The following SLC7A8 variants were observed in gnomAD, a reference collection of about 807,000 sequenced individuals.
The protein encoded by SLC7A8 is large neutral amino acids transporter small subunit 2.
A neutral mutation model predicts 51.2 loss-of-function variants in SLC7A8; 30 were observed. That is an observed-to-expected ratio of 0.59 (90% CI 0.44 to 0.80). The LOEUF is 0.80. Ranked by LOEUF, SLC7A8 falls within the 30% of genes least tolerant of loss-of-function variation. The pLI is 0.00. For synonymous variants in SLC7A8, 257 were observed against 275.8 expected (o/e 0.93, Z 0.67); for missense variants, 612 against 674.4 (o/e 0.91, Z 1.03).
At chr14:23,168,989 TAA>T (rs1366661313) in intron 1 of SLC7A8, among the ~76,000 whole-genome samples, 2 of 152,140 alleles carry the variant, frequency 1.3e-5, no homozygotes, top group African/African-American at 4.8e-5. Flanking sequence ...GGCATTGGAA[TAA>T]GAGTCCTCAC....
intron 4 of SLC7A8, among the ~76,000 whole-genome samples, chr14:23,141,046 G>C (rs938644564): frequency 5.3e-5 from 8 of 152,220 alleles, no homozygotes; most frequent in Non-Finnish European, 1.2e-4. Flanking sequence ...AATCTGGGAG[G>C]TCAAGGCAGA....
chr14:23,137,834 G>T, intron 7 of SLC7A8, 87 bp downstream of exon 7: 1 of 1,528,844 alleles, frequency 6.5e-7, no homozygotes, highest in Non-Finnish European at 8.9e-7. Flanking sequence ...ACAGACCCCT[G>T]CTGACAGAGA....
intron 6 of SLC7A8, among the ~76,000 whole-genome samples, chr14:23,138,493 G>C (rs1443949006): frequency 6.6e-6 from 1 of 151,338 alleles, no homozygotes. Flanking sequence ...GCTAGGAGCT[G>C]TGAGACCTTG....
intron 3 of SLC7A8, among the ~76,000 whole-genome samples, chr14:23,154,998 C>CAAAAAAAAA (rs33973055): frequency 9.1e-4 from 81 of 89,276 alleles, no homozygotes; most frequent in Non-Finnish European, 1.3e-3. Context: ...ACACAACAGA[C>CAAAAAAAAA]AAAAAAAAAA....
intron 3 of SLC7A8, among the ~76,000 whole-genome samples, chr14:23,161,195 T>G (rs2048920010): frequency 6.6e-6 from 1 of 151,954 alleles, no homozygotes; most frequent in African/African-American, 2.4e-5. Flanking sequence ...CCCCACCACC[T>G]GGCTCCTCCC....
intron 1 of SLC7A8, among the ~76,000 whole-genome samples, chr14:23,170,851 A>G (rs1413624958): frequency 6.6e-6 from 1 of 151,780 alleles, no homozygotes; most frequent in Admixed American, 6.6e-5. Flanking sequence ...TCAGCCTCCC[A>G]AGTAGCTAGG....
In SLC7A8 at chr14:23,143,064, T is replaced by C. The variant is rs761853926; in HGVS notation, c.634+15A>G. 9 of 1,613,458 alleles carry C rather than the reference T, an allele frequency of 5.6e-6. No homozygotes were observed. Among genetic ancestry groups the C allele is most frequent in the Non-Finnish European group, 5.9e-6 (7 of 1,179,412 alleles). Reference sequence around the variant, plus strand: ...AGGAAAGCTGGGCAGTACCTGTTTTTCCTGCGATACTCACCTTTGCATATC... The same window carrying C: ...AGGAAAGCTGGGCAGTACCTGTTTTCCCTGCGATACTCACCTTTGCATATC... On this transcript the variant is annotated intron_variant, in intron 4 of 10. Coordinates refer to ENST00000316902, the MANE Select transcript of SLC7A8 (RefSeq NM_012244.4).
rs2048565708 is a variant in SLC7A8 at position 23,125,343 on chromosome 14, A to G, written c.*1834T>C. On this transcript the variant is annotated 3_prime_UTR_variant, in exon 11 of 11. Coordinates refer to ENST00000316902, the MANE Select transcript of SLC7A8 (RefSeq NM_012244.4). ...TACATCAAAAGAAAAAAACCTCTCC[A>G]CAAAACAAATCTCTAAAACCTACAC... 6.6e-6 allele frequency: 1 copy of G among 152,192 alleles called. No homozygotes were observed. The highest frequency in any genetic ancestry group is 1.5e-5 in the Non-Finnish European group (1 of 68,012). 9.4% of individuals were successfully genotyped at this position (152,192 alleles called of 1,614,324 possible). A position where few individuals can be genotyped will look rare whatever the true frequency, so the allele number is the denominator to read the frequency against.
chr14:23,127,478 C>T (rs373152387), intron 10 of SLC7A8, 135 bp from the exon 11 acceptor site: 82 of 1,006,162 alleles, frequency 8.1e-5, no homozygotes, highest in South Asian at 6.8e-4. Context: ...GAAGAGAATC[C>T]TCGCCACCTG....
intron 3 of SLC7A8, among the ~76,000 whole-genome samples, chr14:23,162,876 C>T (rs1334471434): frequency 6.6e-6 from 1 of 152,056 alleles, no homozygotes; most frequent in African/African-American, 2.4e-5. Flanking sequence ...AACTGAACAG[C>T]CTCGGGGGTT....
intron 3 of SLC7A8, 114 bp from the exon 4 acceptor site, chr14:23,143,318 G>A: frequency 1.4e-6 from 2 of 1,434,724 alleles, no homozygotes; most frequent in Non-Finnish European, 9.5e-7. Context: ...TAGTAGGTGA[G>A]CCAGACATCC....
At chr14:23,175,423 G>C (rs760458740) in intron 1 of SLC7A8, among the ~76,000 whole-genome samples, 1 of 152,162 alleles carries the variant, frequency 6.6e-6, no homozygotes, top group Admixed American at 6.5e-5. Context: ...TGGCCAGGCT[G>C]GTCCCGAGCT....
chr14:23,167,321 A>G (rs1050848141), intron 1 of SLC7A8, among the ~76,000 whole-genome samples: 1 of 152,214 alleles, frequency 6.6e-6, no homozygotes, highest in Non-Finnish European at 1.5e-5. Flanking sequence ...ATTCAGGGAG[A>G]GGAGAGGGGC....
At chr14:23,182,450 C>T (rs1211296080) in intron 1 of SLC7A8, among the ~76,000 whole-genome samples, 3 of 152,138 alleles carry the variant, frequency 2.0e-5, no homozygotes, top group Non-Finnish European at 4.4e-5. Context: ...TGAACTAGAA[C>T]CTCCAAGTGT....
Position 23,131,500 on chromosome 14 carries a change from G to A in SLC7A8, c.1074C>T (p.His358=), listed in dbSNP as rs2048632241. The A allele has an allele frequency of 2.5e-6, 4 of 1,609,720 alleles. No homozygotes were observed. The highest frequency in any genetic ancestry group is 1.7e-6 in the Non-Finnish European group (2 of 1,178,250). Residue 358 remains histidine (H), a synonymous_variant, in exon 8 of 11, where the codon CAC becomes CAT. Transcript: ENST00000316902. The stretch of plus-strand genomic sequence containing the variant: ...CTGGGATTGGGGTGCAGCGCTTCAC[G>A]TGGATCATGGCCAACACACTGGGAA... ...GHLPSVLAMI[H]VKRCTPIPAL... is the part of the protein sequence containing the mutation.
At chr14:23,139,018 G>A (rs1454917249) in intron 6 of SLC7A8, among the ~76,000 whole-genome samples, 1 of 152,190 alleles carries the variant, frequency 6.6e-6, no homozygotes, top group African/African-American at 2.4e-5. Context: ...GGAGAAGGCA[G>A]AGAGAAAAGG....
intron 3 of SLC7A8, among the ~76,000 whole-genome samples, chr14:23,149,968 C>T (rs544175392): frequency 4.6e-4 from 70 of 152,280 alleles, no homozygotes; most frequent in African/African-American, 1.6e-3. Context: ...GACTATGCCA[C>T]CTAGTTTCAT....
At chr14:23,134,795 A>G (rs1159123955) in intron 7 of SLC7A8, among the ~76,000 whole-genome samples, 1 of 152,246 alleles carries the variant, frequency 6.6e-6, no homozygotes, top group Non-Finnish European at 1.5e-5. Context: ...AACCAAGTAC[A>G]GTTGTAAGAA....
Position 23,127,889 on chromosome 14 carries a change from C to A in SLC7A8, c.1441+130G>T, listed in dbSNP as rs2048592827. The A allele has an allele frequency of 6.3e-6, 5 of 792,660 alleles. No homozygotes were observed. The South Asian group carries it at 8.9e-5, about 14-fold the overall frequency. 49.1% of individuals were successfully genotyped at this position (792,660 alleles called of 1,614,324 possible). A position where few individuals can be genotyped will look rare whatever the true frequency, so the allele number is the denominator to read the frequency against. On this transcript the variant is annotated intron_variant, in intron 10 of 10. Transcript: ENST00000316902. Reference sequence around the variant, plus strand: ...TCTGCTTCCCCTGCTCTGGACTCTTCCAGGGCTCTGTGGACTGAGGAGAAG... The same window carrying A: ...TCTGCTTCCCCTGCTCTGGACTCTTACAGGGCTCTGTGGACTGAGGAGAAG...
Sources: allele counts gnomAD v4.1 joint callset (sites outside exome capture counted in the v4.1 genomes callset), GRCh38; gene constraint gnomAD v4.1.1; transcripts MANE v1.5; gene names NCBI Gene and HGNC (gene_info 2026-07-23, HGNC 2026-07-21).